The following NBEA variants were observed in gnomAD, a reference collection of about 807,000 sequenced individuals.
The protein encoded by NBEA is neurobeachin, also known as lysosomal-trafficking regulator 2.
Under a neutral mutation model 343.4 loss-of-function variants are expected in NBEA, and 44 were observed. The observed-to-expected ratio is 0.13, with a 90% confidence interval of 0.10 to 0.16. The LOEUF (loss-of-function observed/expected upper bound fraction) is 0.16. Ranked by LOEUF, NBEA falls within the 10% of genes least tolerant of loss-of-function variation. NBEA has a pLI of 1.00. For synonymous variants in NBEA, 1,175 were observed against 1,238.7 expected, an observed-to-expected ratio of 0.95 and a Z score of 1.08; for missense variants, 2,555 against 3,631.3, an observed-to-expected ratio of 0.70 and a Z score of 7.62.
At chr13:35,029,290 G>C (rs1348261796) in intron 1 of NBEA, among the ~76,000 whole-genome samples, 2 of 151,290 alleles carry the variant, frequency 1.3e-5, no homozygotes, top group Non-Finnish European at 3.0e-5. Context: ...GCTGTAATGG[G>C]AGTCCAAGAA....
chr13:35,228,178 A>G (rs188251597), intron 33 of NBEA, among the ~76,000 whole-genome samples: 6 of 152,216 alleles, frequency 3.9e-5, no homozygotes. Context: ...ACATGATTGC[A>G]GTTTTTAAAA....
At position 35,050,391 on chromosome 13, in the gene NBEA, G is replaced by A; in HGVS notation, c.968G>A (p.Arg323His). 5.6e-6 allele frequency: 9 copies of A among 1,606,640 alleles called. No homozygotes were observed. The highest frequency in any genetic ancestry group is 1.1e-5 in the South Asian group (1 of 90,566). Residue 323 changes from arginine to histidine, a missense_variant, in exon 6 of 59, where the codon CGC becomes CAC. Arg to His is a conservative substitution (Grantham distance 29, BLOSUM62 0). Around this residue, in one of 21 missense-constraint regions of NBEA, gnomAD observed 75 missense variants for 237.4 expected, o/e 0.32. Coordinates refer to ENST00000379939, the MANE Select transcript of NBEA (RefSeq NM_001385012.1). Reference sequence around the variant, plus strand: ...TGTGTGAAATATGATTTTCAACCACGCAAGGTAGGTAAAAGTAAATATTTT... The same window carrying A: ...TGTGTGAAATATGATTTTCAACCACACAAGGTAGGTAAAAGTAAATATTTT... Reference protein sequence around the residue: ...QHCVKYDFQPRKWYMISIVHI... With the variant: ...QHCVKYDFQPHKWYMISIVHI...
rs966742874 is a variant in NBEA at position 35,156,128 on chromosome 13, G to C, written c.2573G>C (p.Ser858Thr). Reference sequence around the variant, plus strand: ...ACTTTGTTAAAAAACTCTACACCAAGTGCAGAGCTGATGGAAGTTCGTCGT... The same window carrying C: ...ACTTTGTTAAAAAACTCTACACCAACTGCAGAGCTGATGGAAGTTCGTCGT... Reference protein sequence around the residue: ...VATLLKNSTPSAELMEVRRLF... With the variant: ...VATLLKNSTPTAELMEVRRLF... Residue 858 changes from serine (S) to threonine (T), a missense_variant, in exon 20 of 59, where the codon AGT becomes ACT. This residue lies in a region of NBEA where 360 missense variants were observed against 519.1 expected (regional missense o/e 0.69). Coordinates refer to ENST00000379939, the MANE Select transcript of NBEA (RefSeq NM_001385012.1). 5.7e-6 allele frequency: 9 copies of C among 1,592,574 alleles called. No individual in the cohort carries two copies. In the African/African-American group the frequency reaches 1.2e-4, roughly 22 times the overall value.
chr13:35,009,786 G>C (rs756686415), intron 1 of NBEA, among the ~76,000 whole-genome samples: 1 of 152,190 alleles, frequency 6.6e-6, no homozygotes, highest in Non-Finnish European at 1.5e-5. Context: ...CAGTAACACA[G>C]ACAAGGGAGG....
chr13:35,064,103 C>T (rs1301396716), intron 8 of NBEA, among the ~76,000 whole-genome samples: 1 of 151,908 alleles, frequency 6.6e-6, no homozygotes, highest in Non-Finnish European at 1.5e-5. Context: ...AAATGAAGAA[C>T]GTCTGGAGTT....
At chr13:35,587,176 A>G (rs2081328187) in intron 46 of NBEA, among the ~76,000 whole-genome samples, 1 of 152,124 alleles carries the variant, frequency 6.6e-6, no homozygotes, top group Non-Finnish European at 1.5e-5. Flanking sequence ...TAAATTTTAA[A>G]ACCTAGAAAA....
At chr13:35,253,673 G>A (rs958103101) in intron 34 of NBEA, among the ~76,000 whole-genome samples, 2 of 152,148 alleles carry the variant, frequency 1.3e-5, no homozygotes, top group Admixed American at 6.5e-5. Flanking sequence ...ATACAGGCAG[G>A]CCATTCTTTT....
chr13:35,111,023 T>C, intron 13 of NBEA, 45 bp downstream of exon 13: 1 of 1,493,908 alleles, frequency 6.7e-7, no homozygotes, highest in East Asian at 2.3e-5. Flanking sequence ...CTATGATTAT[T>C]CTGTATTCTG....
At chr13:35,072,332 C>T (rs1196568481) in intron 10 of NBEA, among the ~76,000 whole-genome samples, 2 of 151,996 alleles carry the variant, frequency 1.3e-5, no homozygotes, top group Non-Finnish European at 2.9e-5. Flanking sequence ...TCATCCAAGA[C>T]ACATGGTTAC....
intron 18 of NBEA, among the ~76,000 whole-genome samples, chr13:35,144,729 G>A (rs2068309610): frequency 6.6e-6 from 1 of 152,114 alleles, no homozygotes; most frequent in African/African-American, 2.4e-5. Flanking sequence ...GCCTGGCAAG[G>A]GTATGGAAAT....
chr13:35,449,931 T>G (rs1319434806), intron 39 of NBEA, among the ~76,000 whole-genome samples: 1 of 152,190 alleles, frequency 6.6e-6, no homozygotes, highest in Non-Finnish European at 1.5e-5. Flanking sequence ...AATGTGGTTA[T>G]GTAGTAGGAG....
intron 41 of NBEA, among the ~76,000 whole-genome samples, chr13:35,539,638 C>T (rs918012310): frequency 8.2e-5 from 12 of 145,798 alleles, no homozygotes; most frequent in Admixed American, 7.2e-4. Context: ...GCACTAGGGC[C>T]GGGCGGGGTG....
chr13:35,451,415 C>T lies in NBEA; in HGVS notation c.6305-677C>T, dbSNP rs151154352. On this transcript the variant is annotated intron_variant, in intron 39 of 58. Transcript: ENST00000379939. The stretch of plus-strand genomic sequence containing the variant: ...GGGATTACAGGCGTGAGCCACTGCG[C>T]CCAACCAGCTTTTTGTGTTATTATA... 3.9e-5 allele frequency among the ~76,000 whole-genome samples: 6 copies of T among 152,312 alleles called. No homozygotes were observed. In the South Asian group the frequency reaches 1.2e-3, roughly 32 times the overall value.
At chr13:35,640,418 T>A (rs925824418) in intron 49 of NBEA, among the ~76,000 whole-genome samples, 2 of 152,232 alleles carry the variant, frequency 1.3e-5, no homozygotes, top group Non-Finnish European at 2.9e-5. Flanking sequence ...CTCCTTTCTC[T>A]GGCTCTCCAG....
Position 35,487,734 on chromosome 13 carries a change from G to A in NBEA, c.6585+15198G>A, listed in dbSNP as rs947791656. 8.6e-5 allele frequency among the ~76,000 whole-genome samples: 13 copies of A among 152,008 alleles called. No homozygotes were observed. In the South Asian group the frequency reaches 1.9e-3, roughly 22 times the overall value. On this transcript the variant is annotated intron_variant, in intron 41 of 58. Coordinates refer to ENST00000379939, the MANE Select transcript of NBEA (RefSeq NM_001385012.1). ...CCTTCTGGCCCCTACTTTCCCTTCT[G>A]AATAGTATTATCCCTTTAACAAATA...
At chr13:35,075,663 A>G (rs1437918085) in intron 10 of NBEA, among the ~76,000 whole-genome samples, 2 of 151,560 alleles carry the variant, frequency 1.3e-5, no homozygotes, top group Non-Finnish European at 3.0e-5. Context: ...CTTAAATCAC[A>G]ATTTATTTTT....
intron 36 of NBEA, among the ~76,000 whole-genome samples, chr13:35,317,664 G>T (rs982359189): frequency 1.3e-5 from 2 of 152,122 alleles, no homozygotes; most frequent in Non-Finnish European, 1.5e-5. Context: ...AGCTTGATGG[G>T]GATAGCACTG....
intron 52 of NBEA, among the ~76,000 whole-genome samples, chr13:35,650,979 T>C (rs940306207): frequency 6.6e-6 from 1 of 152,244 alleles, no homozygotes; most frequent in African/African-American, 2.4e-5. Flanking sequence ...TTAAGGTTAT[T>C]GGTGATATTA....
chr13:35,134,913 AT>A lies in NBEA; in HGVS notation c.2337-7355del, dbSNP rs142323933. The stretch of plus-strand genomic sequence containing the variant: ...AATTATAGGACAGATTATAATAATT[AT>A]AAGAAAAATATAGTACATTATAATG... On this transcript the variant is annotated intron_variant, in intron 17 of 58. Transcript: ENST00000379939. 2.6e-3 allele frequency among the ~76,000 whole-genome samples: 393 copies of A among 152,188 alleles called. 1 individual carries two copies. The highest frequency in any genetic ancestry group is 9.1e-3 in the African/African-American group (378 of 41,580).
Sources: allele counts gnomAD v4.1 joint callset (sites outside exome capture counted in the v4.1 genomes callset), GRCh38; gene constraint gnomAD v4.1.1; regional missense constraint gnomAD v4.1.1; transcripts MANE v1.5; gene names NCBI Gene and HGNC (gene_info 2026-07-23, HGNC 2026-07-21).